The following CPA6 variants were observed in gnomAD, a reference collection of about 807,000 sequenced individuals.
CPA6 encodes the protein carboxypeptidase A6, also known as carboxypeptidase B.
In CPA6, 58 loss-of-function variants were observed where a neutral mutation model predicts 63.3. The observed-to-expected ratio is 0.92, with a 90% confidence interval of 0.74 to 1.14. The LOEUF is 1.14. CPA6 is among the 50% of genes most tolerant of loss of function. The pLI is 0.00. For synonymous variants in CPA6, 185 were observed against 179.0 expected (o/e 1.03, Z -0.27); for missense variants, 565 against 526.6 (o/e 1.07, Z -0.71).
chr8:67,469,701 A>G (rs550747296), intron 8 of CPA6, among the ~76,000 whole-genome samples: 1 of 152,356 alleles, frequency 6.6e-6, no homozygotes, highest in Non-Finnish European at 1.5e-5. Context: ...CAACGTGGGC[A>G]CATCCCTGGG....
At chr8:67,628,407 A>C (rs1375100477) in intron 1 of CPA6, among the ~76,000 whole-genome samples, 10 of 152,190 alleles carry the variant, frequency 6.6e-5, no homozygotes, top group Admixed American at 6.5e-4. Context: ...GACCTTTCGC[A>C]ACTGATTCCA....
intron 1 of CPA6, among the ~76,000 whole-genome samples, chr8:67,726,123 T>G (rs190092528): frequency 6.6e-6 from 1 of 152,258 alleles, no homozygotes; most frequent in Admixed American, 6.5e-5. Flanking sequence ...GAAAAATGAT[T>G]TGTAAGTGAT....
intron 1 of CPA6, among the ~76,000 whole-genome samples, chr8:67,714,257 G>A (rs1242679167): frequency 6.6e-6 from 1 of 152,138 alleles, no homozygotes; most frequent in Non-Finnish European, 1.5e-5. Flanking sequence ...TGGGGTATGA[G>A]GGATACTCAA....
chr8:67,513,395 T>G (rs1163210032), intron 3 of CPA6, among the ~76,000 whole-genome samples: 2 of 152,176 alleles, frequency 1.3e-5, no homozygotes, highest in African/African-American at 4.8e-5. Context: ...AATTATAAAT[T>G]GTCAACGTAT....
At chr8:67,453,627 C>T (rs1810605330) in intron 8 of CPA6, among the ~76,000 whole-genome samples, 1 of 152,078 alleles carries the variant, frequency 6.6e-6, no homozygotes, top group South Asian at 2.1e-4. Context: ...AAAGGCTGAA[C>T]CCTGGGCAGT....
intron 2 of CPA6, among the ~76,000 whole-genome samples, chr8:67,532,561 A>G (rs1403377126): frequency 6.6e-6 from 1 of 152,108 alleles, no homozygotes; most frequent in Non-Finnish European, 1.5e-5. Flanking sequence ...GAGTATCTGT[A>G]GACCCAGCTA....
chr8:67,681,239 G>T (rs1367462438), intron 1 of CPA6, among the ~76,000 whole-genome samples: 4 of 78,278 alleles, frequency 5.1e-5, no homozygotes, highest in African/African-American at 1.9e-4. Flanking sequence ...GTCTCGCTCT[G>T]TCGCCCAGGC....
chr8:67,617,837 C>T (rs539685610), intron 2 of CPA6, among the ~76,000 whole-genome samples: 63 of 152,262 alleles, frequency 4.1e-4, no homozygotes, highest in Non-Finnish European at 8.8e-4. Context: ...GGACTGAGGC[C>T]CCCATTTTCC....
At chr8:67,631,339 A>G (rs968502722) in intron 1 of CPA6, among the ~76,000 whole-genome samples, 1 of 152,056 alleles carries the variant, frequency 6.6e-6, no homozygotes, top group African/African-American at 2.4e-5. Context: ...ATGTCTAGCT[A>G]GAGGATTGTA....
chr8:67,681,058 T>C (rs1351998097), intron 1 of CPA6, among the ~76,000 whole-genome samples: 1 of 152,062 alleles, frequency 6.6e-6, no homozygotes, highest in Non-Finnish European at 1.5e-5. Flanking sequence ...GGCTTGTCCT[T>C]TTATTCACTT....
intron 2 of CPA6, among the ~76,000 whole-genome samples, chr8:67,566,222 A>G (rs949313916): frequency 1.3e-5 from 2 of 152,176 alleles, no homozygotes; most frequent in African/African-American, 4.8e-5. Flanking sequence ...TCTTCCTCCA[A>G]AGATAATGCT....
At chr8:67,613,568 T>C (rs1387520820) in intron 2 of CPA6, among the ~76,000 whole-genome samples, 3 of 152,218 alleles carry the variant, frequency 2.0e-5, no homozygotes, top group Non-Finnish European at 2.9e-5. Flanking sequence ...GTGGAAATGA[T>C]TGACTCTTTC....
At chr8:67,477,624 GTCA>G (rs1259787816) in intron 8 of CPA6, among the ~76,000 whole-genome samples, 1 of 152,202 alleles carries the variant, frequency 6.6e-6, no homozygotes, top group Non-Finnish European at 1.5e-5. Flanking sequence ...GTATGTTAGA[GTCA>G]TCACTAACAG....
chr8:67,597,870 C>G (rs937969481), intron 2 of CPA6, among the ~76,000 whole-genome samples: 1 of 152,168 alleles, frequency 6.6e-6, no homozygotes, highest in Admixed American at 6.5e-5. Context: ...ATTTGGCTCT[C>G]TTTAATTATG....
intron 1 of CPA6, among the ~76,000 whole-genome samples, chr8:67,655,496 A>G (rs1451140443): frequency 6.6e-6 from 1 of 152,210 alleles, no homozygotes; most frequent in African/African-American, 2.4e-5. Context: ...TAAACCCCTG[A>G]TATGGTTTGT....
At chr8:67,665,723 A>G (rs971777532) in intron 1 of CPA6, among the ~76,000 whole-genome samples, 23 of 152,186 alleles carry the variant, frequency 1.5e-4, no homozygotes, top group Non-Finnish European at 2.9e-4. Flanking sequence ...TATGGCAATG[A>G]TTCTCAAACA....
At position 67,733,196 on chromosome 8, in the gene CPA6, C is replaced by CAAAAAAAAAAAAAAA. The variant is rs1211323183; in HGVS notation, c.116+12803_116+12817dup. 4.0e-4 allele frequency among the ~76,000 whole-genome samples: 6 copies of CAAAAAAAAAAAAAAA among 14,892 alleles called. 1 individual carries two copies. The highest frequency in any genetic ancestry group is 8.4e-4 in the African/African-American group (4 of 4,762). The allele number at this position is 14,892 out of a possible 152,430, so 9.8% of individuals were successfully genotyped here. On this transcript the variant is annotated intron_variant, in intron 1 of 10. Coordinates refer to ENST00000297770, the MANE Select transcript of CPA6 (RefSeq NM_020361.5). ...TGGGCTACAGAGCGAGACTCCATCT[C>CAAAAAAAAAAAAAAA]AAAAAAAAAAAAAAAAAAAAAAAAA...
Position 67,506,811 on chromosome 8 carries a change from G to T in CPA6, c.612C>A (p.Ala204=), listed in dbSNP as rs1385645362. ...CTTCTTTTACAAACCACTGACAAAA[G>T]GCAGGACCAATCCATTCTCTTGCAT... ...GIHAREWIGP[A]FCQWFVKEAL... is the part of the protein sequence containing the mutation. The change falls in exon 6 of 11, where the codon GCC becomes GCA. Residue 204 remains alanine, a synonymous_variant. Transcript: ENST00000297770. 1.2e-6 allele frequency: 2 copies of T among 1,612,716 alleles called. No homozygotes were observed. Among genetic ancestry groups the T allele is most frequent in the Non-Finnish European group, 1.7e-6 (2 of 1,178,834 alleles).
chr8:67,733,851 T>TTTC, intron 1 of CPA6, among the ~76,000 whole-genome samples: 1 of 140,478 alleles, frequency 7.1e-6, no homozygotes, highest in Non-Finnish European at 1.6e-5. Context: ...ATCGTCTTTT[T>TTTC]TTTTTTTTTT....
Sources: gnomAD v4.1 joint callset for allele counts (sites outside exome capture counted in the v4.1 genomes callset) on GRCh38, gnomAD v4.1.1 for gene constraint, MANE v1.5 for transcripts, NCBI Gene and HGNC (gene_info 2026-07-23, HGNC 2026-07-21) for gene names.